Variants in MYO5B observed in about 807,000 individuals in gnomAD.
MYO5B encodes unconventional myosin-Vb.
A neutral mutation model predicts 229.3 loss-of-function variants in MYO5B; 143 were observed. That is an observed-to-expected ratio of 0.62 (90% confidence interval 0.54 to 0.72). MYO5B has a LOEUF of 0.72. Among genes scored for constraint, MYO5B ranks in the 30% least tolerant of loss-of-function variants. The pLI, the probability that MYO5B is intolerant of heterozygous loss-of-function variation, is 0.00. For synonymous variants in MYO5B, 918 were observed against 885.2 expected (o/e 1.04, Z -0.66); for missense variants, 2,321 against 2,331.0 (o/e 1.00, Z 0.09).
At chr18:49,978,214 C>T (rs538057099) in intron 9 of MYO5B, among the ~76,000 whole-genome samples, 3 of 152,276 alleles carry the variant, frequency 2.0e-5, no homozygotes, top group East Asian at 1.9e-4. Context: ...CCCTAAGAGG[C>T]CCTGATGTTC....
At chr18:49,846,352 T>C (rs619905) in intron 33 of MYO5B, among the ~76,000 whole-genome samples, 65,763 of 152,048 alleles carry the variant, frequency 0.43, 14,812 homozygotes, top group Middle Eastern at 0.55. Context: ...GTGATACTGA[T>C]GCTGATGCTG....
At chr18:49,945,215 TCCAA>T (rs1251320881) in intron 14 of MYO5B, among the ~76,000 whole-genome samples, 2 of 152,112 alleles carry the variant, frequency 1.3e-5, no homozygotes, top group Admixed American at 1.3e-4. Context: ...AGGCCATGGC[TCCAA>T]CCATCCCTCC....
chr18:49,984,736 G>A lies in MYO5B; in HGVS notation c.928C>T (p.Gln310Ter). The change falls in exon 8 of 40, where the codon CAA (glutamine) becomes TAA (stop). Residue 310 changes from glutamine to a stop codon, truncating the protein, a stop_gained. Coordinates refer to ENST00000285039, the MANE Select transcript of MYO5B (RefSeq NM_001080467.3). LOFTEE classifies it high-confidence loss of function. ...DDAEDFEKTR[Q>*]AFTLLGVKES... ...TCCTTACCGAGGAGTGTGAAGGCTT[G>A]TCGAGTCTTCTCAAAGTCCTCAGCA... 6.2e-7 allele frequency: 1 copy of A among 1,612,130 alleles called. No homozygotes were observed. Among genetic ancestry groups the A allele is most frequent in the Non-Finnish European group, 8.5e-7 (1 of 1,178,160 alleles).
chr18:49,940,526 A>G (rs1598898426), intron 14 of MYO5B, among the ~76,000 whole-genome samples: 3 of 152,334 alleles, frequency 2.0e-5, no homozygotes, highest in Non-Finnish European at 4.4e-5. Context: ...GGCTTCTTGC[A>G]ACCTGACCTC....
chr18:49,898,780 C>T (rs2024809627), intron 21 of MYO5B, among the ~76,000 whole-genome samples: 1 of 152,178 alleles, frequency 6.6e-6, no homozygotes, highest in African/African-American at 2.4e-5. Flanking sequence ...TGCATCTTTT[C>T]TTTCCAGGTG....
At chr18:50,128,633 C>T (rs532597063) in intron 1 of MYO5B, among the ~76,000 whole-genome samples, 4 of 152,116 alleles carry the variant, frequency 2.6e-5, no homozygotes, top group East Asian at 1.9e-4. Context: ...ATCAACAGCT[C>T]GGAGAGCAGT....
chr18:49,929,559 G>A lies in MYO5B; in HGVS notation c.2043C>T (p.Cys681=), dbSNP rs2969930. The A allele has an allele frequency of 1.7e-4, 281 of 1,606,740 alleles. No individual in the cohort carries two copies. Among genetic ancestry groups the A allele is most frequent in the Non-Finnish European group, 2.2e-4 (256 of 1,178,778 alleles). ...TGATTCGAATCGTCTCCAACACCCC[G>A]CAGGCTCTGAGTTGCTGCACTGCTC... ...PKRAVQQLRA[C]GVLETIRISA... is the part of the protein sequence containing the mutation. The change falls in exon 17 of 40, where the codon TGC becomes TGT. Residue 681 remains cysteine (C), a synonymous_variant. Transcript: ENST00000285039.
At chr18:50,112,810 G>T (rs1203218003) in intron 1 of MYO5B, among the ~76,000 whole-genome samples, 1 of 152,122 alleles carries the variant, frequency 6.6e-6, no homozygotes, top group Non-Finnish European at 1.5e-5. Context: ...CCAATTTTCA[G>T]CAGTGTAACA....
At chr18:49,869,126 C>G (rs1241183257) in intron 27 of MYO5B, among the ~76,000 whole-genome samples, 1 of 152,200 alleles carries the variant, frequency 6.6e-6, no homozygotes, top group East Asian at 1.9e-4. Flanking sequence ...GACTTACCTG[C>G]TCAGGTAGAG....
At chr18:50,153,483 G>C (rs1294764190) in intron 1 of MYO5B, among the ~76,000 whole-genome samples, 1 of 152,122 alleles carries the variant, frequency 6.6e-6, no homozygotes, top group Non-Finnish European at 1.5e-5. Flanking sequence ...ATGGAGTCTT[G>C]CTCTGTCACC....
chr18:50,016,580 T>C (rs528655694), intron 4 of MYO5B, among the ~76,000 whole-genome samples: 2 of 152,304 alleles, frequency 1.3e-5, no homozygotes, highest in African/African-American at 4.8e-5. Flanking sequence ...TGATACCATC[T>C]AAGAGACATT....
chr18:49,893,177 A>G (rs2024735095), intron 22 of MYO5B, among the ~76,000 whole-genome samples: 1 of 152,192 alleles, frequency 6.6e-6, no homozygotes, highest in Non-Finnish European at 1.5e-5. Flanking sequence ...TGGGAAGCTG[A>G]TGAGTCAAGT....
chr18:49,937,336 C>A lies in MYO5B; in HGVS notation c.1814G>T (p.Gly605Val). 6.2e-7 allele frequency: 1 copy of A among 1,613,790 alleles called. No homozygotes were observed. The highest frequency in any genetic ancestry group is 8.5e-7 in the Non-Finnish European group (1 of 1,179,726). ...DKDPVPATTP[G>V]KGSSSKISVR... is the part of the protein sequence containing the mutation. Reference sequence around the variant, plus strand: ...GCTGATCTTCGAAGATGACCCCTTCCCAGGGGTGGTGGCAGGAACAGGGTC... The same window carrying A: ...GCTGATCTTCGAAGATGACCCCTTCACAGGGGTGGTGGCAGGAACAGGGTC... The change falls in exon 15 of 40, where the codon GGG becomes GTG. Residue 605 changes from glycine to valine, a missense_variant. Transcript: ENST00000285039.
At chr18:50,165,081 G>C (rs1281809246) in intron 1 of MYO5B, among the ~76,000 whole-genome samples, 1 of 152,234 alleles carries the variant, frequency 6.6e-6, no homozygotes, top group Non-Finnish European at 1.5e-5. Flanking sequence ...AATCAACAGA[G>C]AATCAAGGGT....
chr18:50,039,177 G>A (rs1010943015), intron 3 of MYO5B, among the ~76,000 whole-genome samples: 1 of 152,302 alleles, frequency 6.6e-6, no homozygotes, highest in Middle Eastern at 3.4e-3. Context: ...AAGGAGCCCA[G>A]CAGCCGGAAT....
chr18:49,905,310 C>G (rs1279582136), intron 19 of MYO5B, among the ~76,000 whole-genome samples: 1 of 152,140 alleles, frequency 6.6e-6, no homozygotes, highest in Non-Finnish European at 1.5e-5. Flanking sequence ...CAGGCCCAGA[C>G]CAATCTCTGT....
intron 10 of MYO5B, among the ~76,000 whole-genome samples, chr18:49,966,801 C>A (rs1227533573): frequency 3.3e-5 from 5 of 152,204 alleles, no homozygotes; most frequent in Non-Finnish European, 5.9e-5. Context: ...TGCCATCTAG[C>A]ATAATTACTT....
At position 49,828,277 on chromosome 18, in the gene MYO5B, G is replaced by T. The variant is rs577941596; in HGVS notation, c.5395-1654C>A. 9.2e-5 allele frequency among the ~76,000 whole-genome samples: 14 copies of T among 152,338 alleles called. No individual in the cohort carries two copies. In the South Asian group the frequency reaches 2.7e-3, roughly 29 times the overall value. On this transcript the variant is annotated intron_variant, in intron 39 of 39. Coordinates refer to ENST00000285039, the MANE Select transcript of MYO5B (RefSeq NM_001080467.3). ...ATCCTGAAAGGAAAAAATCTTGTCT[G>T]CTAAGAATTCTAAATCTGGCAAAAC...
rs1314687508 is a variant in MYO5B, at chr18:49,824,446, A to G, written c.*2025T>C. The G allele has an allele frequency of 6.6e-6, 1 of 152,546 alleles. No individual in the cohort carries two copies. Among genetic ancestry groups the G allele is most frequent in the Non-Finnish European group, 1.5e-5 (1 of 68,168 alleles). The allele number at this position is 152,546 out of a possible 1,614,324, so 9.4% of individuals were successfully genotyped here. A position where few individuals can be genotyped will look rare whatever the true frequency, so the allele number is the denominator to read the frequency against. On this transcript the variant is annotated 3_prime_UTR_variant, in exon 40 of 40. Coordinates refer to ENST00000285039, the MANE Select transcript of MYO5B (RefSeq NM_001080467.3). ...GTAAGCTCTTGGCACCTAGTGATTAACCAGTGACAGCAGAGAGTAGTGACC... is the reference window on the plus strand; with the variant it reads ...GTAAGCTCTTGGCACCTAGTGATTAGCCAGTGACAGCAGAGAGTAGTGACC...
Sources: gnomAD v4.1 joint callset for allele counts (sites outside exome capture counted in the v4.1 genomes callset) on GRCh38, gnomAD v4.1.1 for gene constraint, MANE v1.5 for transcripts, NCBI Gene and HGNC (gene_info 2026-07-23, HGNC 2026-07-21) for gene names.